Variants in IQSEC1 observed in about 807,000 individuals in gnomAD.
IQSEC1 encodes the protein IQ motif and SEC7 domain-containing protein 1.
A neutral mutation model predicts 91.0 loss-of-function variants in IQSEC1; 31 were observed. The observed-to-expected ratio is 0.34, with a 90% CI of 0.26 to 0.46. The LOEUF is 0.46. Ranked by LOEUF, IQSEC1 falls within the 20% of genes least tolerant of loss-of-function variation. IQSEC1 has a pLI of 1.00. For missense variants in IQSEC1, 1,388 were observed against 1,575.6 expected (o/e 0.88, Z 2.02); for synonymous variants, 699 against 662.6 (o/e 1.05, Z -0.84).
At chr3:13,143,899 C>T (rs995863592) in intron 2 of IQSEC1, among the ~76,000 whole-genome samples, 1 of 152,190 alleles carries the variant, frequency 6.6e-6, no homozygotes, top group Non-Finnish European at 1.5e-5. Context: ...AATCATTCCT[C>T]CTGCTTCGGT....
At chr3:13,196,170 C>T (rs1459801036) in intron 1 of IQSEC1, among the ~76,000 whole-genome samples, 2 of 152,186 alleles carry the variant, frequency 1.3e-5, no homozygotes, top group African/African-American at 2.4e-5. Flanking sequence ...GCCCAGTTTA[C>T]GTGGGGAAGC....
At chr3:12,911,766 T>C in intron 9 of IQSEC1, 38 bp from the exon 10 acceptor site, 2 of 1,400,448 alleles carry the variant, frequency 1.4e-6, no homozygotes, top group Non-Finnish European at 2.0e-6. Context: ...CTACAGTGTC[T>C]CGGGGGGCAC....
At chr3:12,903,306 C>T (rs113935348) in intron 12 of IQSEC1, among the ~76,000 whole-genome samples, 3 of 152,144 alleles carry the variant, frequency 2.0e-5, no homozygotes, top group African/African-American at 2.4e-5. Flanking sequence ...CACATATATG[C>T]CCCCACCTCC....
chr3:13,012,437 C>T (rs360830), intron 1 of IQSEC1, among the ~76,000 whole-genome samples: 32,010 of 152,172 alleles, frequency 0.21, 3,827 homozygotes, highest in Middle Eastern at 0.31. Context: ...CAGAGCTCAC[C>T]CCCTTCTCAG....
Position 13,073,153 on chromosome 3 carries a change from GTGGCGGGCTCCTCCAGGGAGGCT to G in IQSEC1, c.-162_-140del. 2 of 1,037,888 alleles carry G rather than the reference GTGGCGGGCTCCTCCAGGGAGGCT, an allele frequency of 1.9e-6. No homozygotes were observed. The highest frequency in any genetic ancestry group is 2.9e-6 in the Non-Finnish European group (2 of 698,836). The allele number at this position is 1,037,888 out of a possible 1,614,324, so 64.3% of individuals were successfully genotyped here. ...CGCGGGGCGAGTCACATTCCCGGGG[GTGGCGGGCTCCTCCAGGGAGGCT>G]GGGGCGGGAGCGGGGGGCGGCGCCA... On this transcript the variant is annotated 5_prime_UTR_variant, in exon 1 of 14. Transcript: ENST00000613206.
intron 1 of IQSEC1, among the ~76,000 whole-genome samples, chr3:13,220,692 C>T (rs1403426744): frequency 6.6e-6 from 1 of 152,256 alleles, no homozygotes; most frequent in East Asian, 1.9e-4. Flanking sequence ...AGAGCACGGC[C>T]TGAGACATTC....
At chr3:13,034,225 G>A (rs1424188261) in intron 1 of IQSEC1, among the ~76,000 whole-genome samples, 1 of 152,186 alleles carries the variant, frequency 6.6e-6, no homozygotes, top group Non-Finnish European at 1.5e-5. Context: ...AACTGGGCAA[G>A]TGGAGCTCCT....
rs142998205 is a variant in IQSEC1 at position 13,028,218 on chromosome 3, G to A, written c.23+44774C>T. The stretch of plus-strand genomic sequence containing the variant: ...GGGAGTTAATGAATGAATACCTGCC[G>A]AATGAATGAATGAACAAGTAGCTCA... On this transcript the variant is annotated intron_variant, in intron 1 of 13. Coordinates refer to ENST00000613206, the MANE Select transcript of IQSEC1 (RefSeq NM_001134382.3). Among the ~76,000 whole-genome samples, 9 of 152,298 alleles carry A rather than the reference G, an allele frequency of 5.9e-5. 1 individual carries two copies. Among genetic ancestry groups the A allele is most frequent in the Non-Finnish European group, 1.0e-4 (7 of 68,010 alleles).
At chr3:13,006,614 C>CGTG (rs1228214886) in intron 1 of IQSEC1, among the ~76,000 whole-genome samples, 1 of 152,278 alleles carries the variant, frequency 6.6e-6, no homozygotes, top group African/African-American at 2.4e-5. Flanking sequence ...TTTTAAGACA[C>CGTG]TATGTTCTGT....
intron 1 of IQSEC1, among the ~76,000 whole-genome samples, chr3:12,959,383 G>A (rs1245033558): frequency 6.6e-6 from 1 of 152,210 alleles, no homozygotes; most frequent in Non-Finnish European, 1.5e-5. Flanking sequence ...AATCCGATGA[G>A]AGAGGCTGAC....
At chr3:13,215,307 G>A (rs1383197958) in intron 1 of IQSEC1, among the ~76,000 whole-genome samples, 1 of 151,034 alleles carries the variant, frequency 6.6e-6, no homozygotes, top group Admixed American at 6.6e-5. Context: ...TGATGAAATC[G>A]AGAGGACACG....
At chr3:13,273,546 G>C (rs1014306934) in intron 1 of IQSEC1, among the ~76,000 whole-genome samples, 5 of 152,138 alleles carry the variant, frequency 3.3e-5, no homozygotes, top group Non-Finnish European at 5.9e-5. Flanking sequence ...CTGAACTGGC[G>C]ATTGTTGGGG....
chr3:12,944,542 C>T (rs539615644), intron 1 of IQSEC1, among the ~76,000 whole-genome samples: 2 of 152,320 alleles, frequency 1.3e-5, no homozygotes, highest in Admixed American at 6.5e-5. Flanking sequence ...TGCTCCAGGC[C>T]TGTGCACCTC....
intron 1 of IQSEC1, among the ~76,000 whole-genome samples, chr3:13,199,193 A>G (rs1694191966): frequency 6.6e-6 from 1 of 152,174 alleles, no homozygotes; most frequent in South Asian, 2.1e-4. Context: ...AGCCCGGAGG[A>G]GGCACTGGCC....
chr3:13,138,289 A>T (rs1206078422), intron 2 of IQSEC1, among the ~76,000 whole-genome samples: 1 of 149,910 alleles, frequency 6.7e-6, no homozygotes, highest in African/African-American at 2.5e-5. Context: ...CTACTTACCG[A>T]GTGGAGAGTC....
intron 1 of IQSEC1, among the ~76,000 whole-genome samples, chr3:13,253,384 C>G (rs1559287060): frequency 6.6e-6 from 1 of 152,128 alleles, no homozygotes. Context: ...TCAGCAGATT[C>G]CTCCCCGGAA....
At chr3:12,906,918 C>A (rs750898616) in intron 12 of IQSEC1, among the ~76,000 whole-genome samples, 2 of 152,218 alleles carry the variant, frequency 1.3e-5, no homozygotes, top group African/African-American at 2.4e-5. Flanking sequence ...TGACATTTAG[C>A]TGTGTTTCAC....
At chr3:12,953,410 G>A (rs971588301) in intron 1 of IQSEC1, among the ~76,000 whole-genome samples, 2 of 152,232 alleles carry the variant, frequency 1.3e-5, no homozygotes, top group South Asian at 4.1e-4. Flanking sequence ...GCTGAGGCCC[G>A]ATAAGGCCCG....
At chr3:13,113,585 G>A (rs941546289) in intron 2 of IQSEC1, among the ~76,000 whole-genome samples, 9 of 149,122 alleles carry the variant, frequency 6.0e-5, no homozygotes, top group East Asian at 2.0e-4. Context: ...GGTGGGGCGC[G>A]GAGAGAAGAC....
Sources: gnomAD v4.1 joint callset for allele counts (sites outside exome capture counted in the v4.1 genomes callset) on GRCh38, gnomAD v4.1.1 for gene constraint, MANE v1.5 for transcripts, NCBI Gene and HGNC (gene_info 2026-07-23, HGNC 2026-07-21) for gene names.